KATNAL1: variants seen among roughly 807,000 people sequenced by gnomAD.
The protein encoded by KATNAL1 is katanin catalytic subunit A1 like 1.
In KATNAL1, 32 loss-of-function variants were observed where a neutral mutation model predicts 55.2. That is an observed-to-expected ratio of 0.58 (90% CI 0.44 to 0.78). The LOEUF (loss-of-function observed/expected upper bound fraction) is 0.78, where lower values mean the gene tolerates loss of function less well. Ranked by LOEUF, KATNAL1 falls within the 30% of genes least tolerant of loss-of-function variation. The pLI, the probability that KATNAL1 is intolerant of heterozygous loss-of-function variation, is 0.00. For missense variants in KATNAL1, 466 were observed against 600.9 expected (o/e 0.78, Z 2.35); for synonymous variants, 193 against 193.6 (o/e 1.00, Z 0.02).
intron 6 of KATNAL1, among the ~76,000 whole-genome samples, chr13:30,232,475 T>C (rs73163472): frequency 0.098 from 14,917 of 152,194 alleles, 983 homozygotes; most frequent in African/African-American, 0.19. Context: ...GAAACACTAG[T>C]TTTACAAAAA....
In KATNAL1 at chr13:30,290,995, T is replaced by C. The variant is rs182434108; in HGVS notation, c.-14-7204A>G. On this transcript the variant is annotated intron_variant, in intron 1 of 10. Coordinates refer to ENST00000380615, the MANE Select transcript of KATNAL1 (RefSeq NM_032116.5). ...ATCTATGAAATACCTACGGCTAGCA[T>C]ATGTATTGTGAAAGACTAAATGCTC... Among the ~76,000 whole-genome samples, 661 of 152,294 alleles carry C rather than the reference T, an allele frequency of 4.3e-3. 3 individuals carry two copies. Among genetic ancestry groups the C allele is most frequent in the South Asian group, 0.017 (83 of 4,832 alleles).
chr13:30,286,656 G>GCACT (rs1286010095), intron 1 of KATNAL1, among the ~76,000 whole-genome samples: 1 of 152,188 alleles, frequency 6.6e-6, no homozygotes, highest in Non-Finnish European at 1.5e-5. Context: ...CCCCACTAGG[G>GCACT]CACTGCCTAG....
At chr13:30,227,286 C>G (rs1875593233) in intron 9 of KATNAL1, 126 bp downstream of exon 9, 2 of 824,038 alleles carry the variant, frequency 2.4e-6, no homozygotes, top group Non-Finnish European at 3.8e-6. Context: ...GTGTTCACAT[C>G]TACTACAAAT....
intron 1 of KATNAL1, among the ~76,000 whole-genome samples, chr13:30,284,288 T>C (rs149332930): frequency 1.3e-5 from 2 of 152,088 alleles, no homozygotes; most frequent in African/African-American, 2.4e-5. Context: ...ACGGAAATAA[T>C]AGGGAGAAAG....
intron 9 of KATNAL1, among the ~76,000 whole-genome samples, chr13:30,215,241 G>T (rs1874095565): frequency 6.6e-6 from 1 of 152,016 alleles, no homozygotes; most frequent in Non-Finnish European, 1.5e-5. Context: ...TCTCACACCA[G>T]TTAGAATGGC....
At chr13:30,211,548 A>G (rs765851792) in intron 9 of KATNAL1, among the ~76,000 whole-genome samples, 9 of 152,212 alleles carry the variant, frequency 5.9e-5, no homozygotes, top group South Asian at 4.1e-4. Flanking sequence ...GTCAGTTACT[A>G]TGTCTCATTC....
chr13:30,245,117 G>A (rs1449084941), intron 4 of KATNAL1, among the ~76,000 whole-genome samples: 1 of 151,754 alleles, frequency 6.6e-6, no homozygotes, highest in Non-Finnish European at 1.5e-5. Context: ...ATAATTGCAG[G>A]CCAATATTCC....
intron 9 of KATNAL1, among the ~76,000 whole-genome samples, chr13:30,212,042 C>A (rs969589234): frequency 6.6e-6 from 1 of 152,162 alleles, no homozygotes; most frequent in African/African-American, 2.4e-5. Context: ...TCAGGTCCTA[C>A]ATCATACTGT....
At chr13:30,262,093 C>T (rs1369584232) in intron 3 of KATNAL1, among the ~76,000 whole-genome samples, 1 of 151,834 alleles carries the variant, frequency 6.6e-6, no homozygotes, top group African/African-American at 2.4e-5. Flanking sequence ...TACACGGAAA[C>T]TGAACAACCT....
intron 7 of KATNAL1, among the ~76,000 whole-genome samples, chr13:30,231,093 A>G (rs563918902): frequency 1.3e-5 from 2 of 152,354 alleles, no homozygotes; most frequent in African/African-American, 2.4e-5. Flanking sequence ...AGTGGACAGG[A>G]TGCCAAAAGG....
intron 3 of KATNAL1, among the ~76,000 whole-genome samples, chr13:30,275,618 T>C (rs1880785891): frequency 6.6e-6 from 1 of 152,134 alleles, no homozygotes; most frequent in African/African-American, 2.4e-5. Flanking sequence ...TCATGCAAGA[T>C]AAGTTCTAGA....
intron 3 of KATNAL1, among the ~76,000 whole-genome samples, chr13:30,264,123 G>C (rs1356187413): frequency 3.3e-5 from 5 of 151,354 alleles, no homozygotes; most frequent in African/African-American, 7.3e-5. Flanking sequence ...CAAGCAATGG[G>C]GAAAGGATTC....
At chr13:30,230,726 G>A in intron 7 of KATNAL1, 132 bp from the exon 8 acceptor site, 3 of 651,530 alleles carry the variant, frequency 4.6e-6, no homozygotes, top group Admixed American at 3.1e-5. Flanking sequence ...ATCTGGTTAT[G>A]GCAAAGGCTA....
Position 30,220,415 on chromosome 13 carries a change from C to T in KATNAL1, c.1147+6997G>A, listed in dbSNP as rs200007230. Among the ~76,000 whole-genome samples, 15 of 152,070 alleles carry T rather than the reference C, an allele frequency of 9.9e-5. No individual in the cohort carries two copies. The East Asian group carries it at 2.7e-3, about 27-fold the overall frequency. On this transcript the variant is annotated intron_variant, in intron 9 of 10. Transcript: ENST00000380615. ...GGTGGAGATTGCAGTGAGCCGAAAC[C>T]ACGCCACTGCACCCCAACCTGGGCA...
At chr13:30,278,652 A>G (rs1185582131) in intron 3 of KATNAL1, among the ~76,000 whole-genome samples, 1 of 152,234 alleles carries the variant, frequency 6.6e-6, no homozygotes, top group Non-Finnish European at 1.5e-5. Flanking sequence ...CCTATATTTG[A>G]AGTTATTATC....
intron 2 of KATNAL1, 73 bp from the exon 3 acceptor site, chr13:30,280,296 A>G: frequency 8.3e-7 from 1 of 1,197,992 alleles, no homozygotes; most frequent in Non-Finnish European, 1.1e-6. Context: ...ATAAATTACT[A>G]TAGAGTGCAC....
intron 1 of KATNAL1, among the ~76,000 whole-genome samples, chr13:30,287,302 T>TG (rs1006163919): frequency 6.6e-6 from 1 of 152,180 alleles, no homozygotes; most frequent in African/African-American, 2.4e-5. Context: ...GACTGGATCA[T>TG]GGGGGTGGTT....
chr13:30,267,584 A>G (rs146473534), intron 3 of KATNAL1, among the ~76,000 whole-genome samples: 328 of 152,384 alleles, frequency 2.2e-3, no homozygotes, highest in Non-Finnish European at 4.0e-3. Context: ...CAAAGAAAAC[A>G]AATTGTAAGA....
rs899134373 is a variant in KATNAL1, at chr13:30,204,852, T to G, written c.*3688A>C. ...TTCCCCTTCCAAAATGGCTAGGTAT[T>G]GTGGGAGGTAGTGGTCAGACCCGAA... On this transcript the variant is annotated 3_prime_UTR_variant, in exon 11 of 11. Coordinates refer to ENST00000380615, the MANE Select transcript of KATNAL1 (RefSeq NM_032116.5). 4 of 152,194 alleles carry G rather than the reference T, an allele frequency of 2.6e-5. No homozygotes were observed. Among genetic ancestry groups the G allele is most frequent in the African/African-American group, 9.6e-5 (4 of 41,458 alleles). The allele number at this position is 152,194 out of a possible 1,614,324, so 9.4% of individuals were successfully genotyped here.
Sources: allele counts gnomAD v4.1 joint callset (sites outside exome capture counted in the v4.1 genomes callset), GRCh38; gene constraint gnomAD v4.1.1; transcripts MANE v1.5; gene names NCBI Gene and HGNC (gene_info 2026-07-23, HGNC 2026-07-21).